The following COL16A1 variants were observed in gnomAD, a reference collection of about 807,000 sequenced individuals.
The protein encoded by COL16A1 is collagen alpha-1(XVI) chain.
A neutral mutation model predicts 266.3 loss-of-function variants in COL16A1; 189 were observed. That is an observed-to-expected ratio of 0.71 (90% CI 0.63 to 0.80). The LOEUF is 0.80. Among genes scored for constraint, COL16A1 ranks in the 30% least tolerant of loss-of-function variants. COL16A1 has a pLI of 0.00. For missense variants in COL16A1, 1,928 were observed against 2,122.4 expected (o/e 0.91, Z 1.80); for synonymous variants, 740 against 782.3 (o/e 0.95, Z 0.90).
Position 31,682,965 on chromosome 1 carries a change from C to G in COL16A1, c.2507G>C (p.Gly836Ala), listed in dbSNP as rs1192825970. 1 of 1,614,032 alleles carries G rather than the reference C, an allele frequency of 6.2e-7. No individual in the cohort carries two copies. Among genetic ancestry groups the G allele is most frequent in the Non-Finnish European group, 8.5e-7 (1 of 1,180,024 alleles). ...CCCAGAGACACTGGCCCCAGGAGGT[C>G]CCACAGGTCCGGTGGCTCCTTTCAC... Reference protein sequence around the residue: ...PGVKGATGPVGPPGASVSGPP... With the variant: ...PGVKGATGPVAPPGASVSGPP... Residue 836 changes from glycine to alanine, a missense_variant, in exon 37 of 71, where the codon GGA becomes GCA. Physicochemically the swap from Gly to Ala is moderately conservative, Grantham distance 60. Around this residue, in one of 2 missense-constraint regions of COL16A1, gnomAD observed 1,552 missense variants for 1,637.2 expected, o/e 0.95. Transcript: ENST00000373672.
intron 4 of COL16A1, among the ~76,000 whole-genome samples, chr1:31,699,090 G>A (rs920721347): frequency 6.6e-6 from 1 of 151,742 alleles, no homozygotes; most frequent in African/African-American, 2.4e-5. Flanking sequence ...GCAAGACTTG[G>A]TCTCAAAAAG....
chr1:31,684,684 GC>G (rs34023104), intron 30 of COL16A1, 54 bp from the exon 31 acceptor site: 32 of 1,607,388 alleles, frequency 2.0e-5, no homozygotes, highest in African/African-American at 1.6e-4. Flanking sequence ...GGGGCAGGTT[GC>G]CCCCCTGGGA....
chr1:31,674,217 A>G (rs1292022554), intron 44 of COL16A1, among the ~76,000 whole-genome samples: 3 of 152,154 alleles, frequency 2.0e-5, no homozygotes, highest in African/African-American at 7.2e-5. Flanking sequence ...GTGTCAGAAG[A>G]GGGTGGCCAG....
Position 31,667,570 on chromosome 1 carries a change from C to T in COL16A1, c.3357+5G>A. ...TGCATCCAGCCCCACGCCGCTGGGA[C>T]TCACCGGCTCTCCTTTCTCTCCCGC... On this transcript the variant is annotated splice_donor_5th_base_variant and intron_variant, in intron 52 of 70. Transcript: ENST00000373672. The T allele has an allele frequency of 6.3e-7, 1 of 1,593,278 alleles. No homozygotes were observed. Among genetic ancestry groups the T allele is most frequent in the Non-Finnish European group, 8.5e-7 (1 of 1,170,708 alleles).
At chr1:31,673,649 C>T (rs1052845288) in intron 44 of COL16A1, among the ~76,000 whole-genome samples, 9 of 152,344 alleles carry the variant, frequency 5.9e-5, no homozygotes, top group South Asian at 2.1e-4. Context: ...GCCATCTTGA[C>T]GGCGCAGTGA....
Position 31,692,068 on chromosome 1 carries a change from C to T in COL16A1, c.1195-1G>A. 1 of 1,613,678 alleles carries T rather than the reference C, an allele frequency of 6.2e-7. No homozygotes were observed. Among genetic ancestry groups the T allele is most frequent in the African/African-American group, 1.3e-5 (1 of 74,990 alleles). ...CGTCGCCCTTCTCGCCTTTCTGGCC[C>T]TGGGGAAGGAAGAAGCAGAGTGACC... On this transcript the variant is annotated splice_acceptor_variant, in intron 16 of 70. Coordinates refer to ENST00000373672, the MANE Select transcript of COL16A1 (RefSeq NM_001856.4). LOFTEE classifies it high-confidence loss of function.
In COL16A1 at chr1:31,680,852, C is replaced by G; in HGVS notation, c.2610+53G>C. Reference sequence around the variant, plus strand: ...AGAGTACGGGTCACAGGTGGGAAGGCTGGAGGGGCTGCTAATCCCCTAGAA... The same window carrying G: ...AGAGTACGGGTCACAGGTGGGAAGGGTGGAGGGGCTGCTAATCCCCTAGAA... On this transcript the variant is annotated intron_variant, in intron 39 of 70. Coordinates refer to ENST00000373672, the MANE Select transcript of COL16A1 (RefSeq NM_001856.4). 4 of 1,613,480 alleles carry G rather than the reference C, an allele frequency of 2.5e-6. No homozygotes were observed. The East Asian group carries it at 8.9e-5, about 36-fold the overall frequency.
intron 44 of COL16A1, among the ~76,000 whole-genome samples, chr1:31,674,154 G>C (rs550395372): frequency 6.6e-6 from 1 of 152,268 alleles, no homozygotes; most frequent in African/African-American, 2.4e-5. Flanking sequence ...CCCATGCTCT[G>C]CCCTGACCAA....
chr1:31,684,271 G>T, intron 31 of COL16A1, 40 bp from the exon 32 acceptor site: 1 of 1,453,512 alleles, frequency 6.9e-7, no homozygotes, highest in Admixed American at 2.8e-5. Flanking sequence ...CATGAGCCGG[G>T]GCTGGCACCC....
At chr1:31,684,301 C>G in intron 31 of COL16A1, 70 bp from the exon 32 acceptor site, 1 of 1,447,772 alleles carries the variant, frequency 6.9e-7, no homozygotes. Flanking sequence ...CGCCCTGCAC[C>G]CCTCTGAACA....
Position 31,684,566 on chromosome 1 carries a change from C to T in COL16A1, c.2117G>A (p.Gly706Glu), listed in dbSNP as rs760155737. 1 of 1,613,858 alleles carries T rather than the reference C, an allele frequency of 6.2e-7. No homozygotes were observed. Among genetic ancestry groups the T allele is most frequent in the South Asian group, 1.1e-5 (1 of 91,080 alleles). ...PGTTGRPGLS[G>E]EPGVQGPAGP... ...CGCGGGGCCCTGAACTCCAGGCTCT[C>T]CTGACAGTCCTGGCCGCCCTGTGGT... The change falls in exon 31 of 71, where the codon GGA becomes GAA. Residue 706 changes from glycine to glutamate, a missense_variant. Physicochemically the swap from Gly to Glu is moderately conservative, Grantham distance 98. Transcript: ENST00000373672.
At chr1:31,684,077 G>A (rs1371312111) in intron 32 of COL16A1, 32 bp downstream of exon 32, 5 of 1,610,244 alleles carry the variant, frequency 3.1e-6, no homozygotes, top group Non-Finnish European at 4.2e-6. Context: ...GCAAAGCCCA[G>A]GCAGGGAAGG....
intron 62 of COL16A1, 59 bp from the exon 63 acceptor site, chr1:31,659,023 G>GGGT: frequency 2.8e-6 from 4 of 1,452,852 alleles, no homozygotes; most frequent in Non-Finnish European, 3.8e-6. Flanking sequence ...CCCCTGGGAG[G>GGGT]CACAGGGCCT....
intron 54 of COL16A1, 53 bp from the exon 55 acceptor site, chr1:31,665,671 G>A (rs982104151): frequency 3.1e-6 from 5 of 1,603,454 alleles, no homozygotes; most frequent in Admixed American, 1.7e-5. Context: ...TCTCCTGCCT[G>A]GCTGCCCAGG....
chr1:31,672,575 G>T, intron 46 of COL16A1, 21 bp downstream of exon 46: 4 of 1,610,088 alleles, frequency 2.5e-6, no homozygotes, highest in Non-Finnish European at 3.4e-6. Flanking sequence ...ATGATCGGGG[G>T]AGATAAGGCG....
intron 11 of COL16A1, 47 bp downstream of exon 11, chr1:31,695,139 C>T (rs1203493818): frequency 1.2e-6 from 2 of 1,608,518 alleles, no homozygotes; most frequent in Non-Finnish European, 1.7e-6. Context: ...GCAACGTCCA[C>T]TCCCGGCTCT....
intron 31 of COL16A1, 128 bp downstream of exon 31, chr1:31,684,395 G>A (rs1474659191): frequency 2.0e-6 from 3 of 1,497,088 alleles, no homozygotes; most frequent in Non-Finnish European, 2.7e-6. Context: ...GCCCCGAGGA[G>A]CCTCCGCTCA....
chr1:31,678,748 G>A (rs1643384940), intron 42 of COL16A1, among the ~76,000 whole-genome samples: 1 of 152,190 alleles, frequency 6.6e-6, no homozygotes, highest in South Asian at 2.1e-4. Context: ...AGCCCTATGA[G>A]TTAGGCGCAC....
At chr1:31,700,647 C>T (rs763617249) in intron 2 of COL16A1, among the ~76,000 whole-genome samples, 11 of 152,156 alleles carry the variant, frequency 7.2e-5, no homozygotes, top group Non-Finnish European at 1.0e-4. Context: ...GCCCATGCCA[C>T]GAGGGATGAC....
Sources: gnomAD v4.1 joint callset for allele counts (sites outside exome capture counted in the v4.1 genomes callset) on GRCh38, gnomAD v4.1.1 for gene constraint, gnomAD v4.1.1 regional missense constraint, MANE v1.5 for transcripts, NCBI Gene and HGNC (gene_info 2026-07-23, HGNC 2026-07-21) for gene names.